Variants in SGK3 observed in about 807,000 individuals in gnomAD.
SGK3 encodes the protein serine/threonine-protein kinase Sgk3.
SGK3 carries 47 observed loss-of-function variants against 68.5 expected under a neutral mutation model. That is an observed-to-expected ratio of 0.69 (90% confidence interval 0.54 to 0.87). The LOEUF is 0.87. Among genes scored for constraint, SGK3 ranks in the 40% least tolerant of loss-of-function variants. The probability of loss-of-function intolerance (pLI) is 0.00; values close to 1 mark genes in which losing one functional copy is unlikely to be tolerated. For synonymous variants in SGK3, 181 were observed against 189.1 expected (o/e 0.96, Z 0.35); for missense variants, 479 against 575.5 (o/e 0.83, Z 1.72).
chr8:66,736,008 G>A (rs1303470250), intron 1 of SGK3, among the ~76,000 whole-genome samples: 1 of 152,202 alleles, frequency 6.6e-6, no homozygotes, highest in Non-Finnish European at 1.5e-5. Flanking sequence ...GTTATGTGTA[G>A]AAGTAGCAAG....
chr8:66,813,594 G>A (rs186136735), intron 4 of SGK3, among the ~76,000 whole-genome samples: 14 of 150,796 alleles, frequency 9.3e-5, no homozygotes, highest in African/African-American at 2.9e-4. Context: ...GCAGTTTTGA[G>A]AACTTTCTTT....
intron 1 of SGK3, among the ~76,000 whole-genome samples, chr8:66,755,363 C>G (rs1415397931): frequency 6.6e-6 from 1 of 152,132 alleles, no homozygotes; most frequent in African/African-American, 2.4e-5. Flanking sequence ...CAATAACCCC[C>G]TTGGGGATGT....
At chr8:66,840,951 A>G (rs1809776657) in intron 12 of SGK3, 73 bp from the exon 13 acceptor site, 12 of 1,263,636 alleles carry the variant, frequency 9.5e-6, no homozygotes, top group Non-Finnish European at 1.3e-5. Flanking sequence ...CAAAAAAAAA[A>G]AAAAAAATTA....
intron 16 of SGK3, among the ~76,000 whole-genome samples, chr8:66,854,954 G>C (rs1810448151): frequency 6.6e-6 from 1 of 152,030 alleles, no homozygotes; most frequent in African/African-American, 2.4e-5. Context: ...TTCAAGACCA[G>C]CCTGGGCAAC....
Position 66,824,246 on chromosome 8 carries a change from A to G in SGK3, c.417+1787A>G, listed in dbSNP as rs1808964575. On this transcript the variant is annotated intron_variant, in intron 6 of 16. Coordinates refer to ENST00000521198, the MANE Select transcript of SGK3 (RefSeq NM_001033578.3). ...CAAAAGAGAAACAACAAACTGGGAA[A>G]AGATTTGTAACAAATAAGGCATAAG... Among the ~76,000 whole-genome samples the G allele has an allele frequency of 2.0e-5, 3 of 152,298 alleles. No homozygotes were observed. The South Asian group carries it at 6.2e-4, about 32-fold the overall frequency.
At position 66,861,677 on chromosome 8, in the gene SGK3, T is replaced by G. The variant is rs1360576060; in HGVS notation, c.*2096T>G. ...ACCAATACTCTTTGGCTTAAAATGT[T>G]CAGCAGAATTGGGCAGTGGGGGTGA... On this transcript the variant is annotated 3_prime_UTR_variant, in exon 17 of 17. Coordinates refer to ENST00000521198, the MANE Select transcript of SGK3 (RefSeq NM_001033578.3). The G allele has an allele frequency of 6.6e-6, 1 of 152,194 alleles. No homozygotes were observed. Among genetic ancestry groups the G allele is most frequent in the Non-Finnish European group, 1.5e-5 (1 of 68,036 alleles). 9.4% of individuals were successfully genotyped at this position (152,194 alleles called of 1,614,324 possible).
At chr8:66,757,914 T>TA (rs199791389) in intron 1 of SGK3, among the ~76,000 whole-genome samples, 4,371 of 125,096 alleles carry the variant, frequency 0.035, 89 homozygotes, top group African/African-American at 0.052. Flanking sequence ...GACTCCAGCT[T>TA]AAAAAAAAAA....
intron 1 of SGK3, among the ~76,000 whole-genome samples, chr8:66,758,344 ACT>A (rs1017229017): frequency 9.2e-5 from 14 of 152,118 alleles, no homozygotes; most frequent in African/African-American, 3.4e-4. Flanking sequence ...ACAGAGTGAG[ACT>A]CTGTCTCAAA....
intron 2 of SGK3, among the ~76,000 whole-genome samples, chr8:66,796,122 C>T (rs1375848558): frequency 6.6e-6 from 1 of 151,542 alleles, no homozygotes; most frequent in African/African-American, 2.4e-5. Context: ...CTCATGTTAT[C>T]GATAATATTT....
At chr8:66,749,981 CTAAA>C (rs1458210933) in intron 1 of SGK3, among the ~76,000 whole-genome samples, 2 of 150,344 alleles carry the variant, frequency 1.3e-5, no homozygotes, top group Non-Finnish European at 3.0e-5. Context: ...GTGTAAATCT[CTAAA>C]TATGAGAGGT....
intron 5 of SGK3, among the ~76,000 whole-genome samples, chr8:66,821,609 C>T (rs531917816): frequency 0.024 from 3,661 of 151,330 alleles, 152 homozygotes; most frequent in African/African-American, 0.083. Flanking sequence ...GCCTCCCGGG[C>T]TCACACCATT....
At chr8:66,830,945 T>G (rs1014930809) in intron 7 of SGK3, among the ~76,000 whole-genome samples, 3 of 152,204 alleles carry the variant, frequency 2.0e-5, no homozygotes, top group Non-Finnish European at 2.9e-5. Flanking sequence ...TATTTCAAGT[T>G]CAAAACTCTA....
At chr8:66,729,119 T>A (rs2130360812) in intron 1 of SGK3, among the ~76,000 whole-genome samples, 1 of 150,936 alleles carries the variant, frequency 6.6e-6, no homozygotes, top group African/African-American at 2.4e-5. Flanking sequence ...CTTGGGAGGC[T>A]GAGGCAGGAG....
At chr8:66,798,743 G>T in intron 3 of SGK3, 118 bp downstream of exon 3, 1 of 850,666 alleles carries the variant, frequency 1.2e-6, no homozygotes, top group South Asian at 2.5e-5. Flanking sequence ...CAGACAGGCA[G>T]ACAAAGGTAA....
At chr8:66,771,061 G>T (rs1806495623) in intron 1 of SGK3, among the ~76,000 whole-genome samples, 1 of 151,958 alleles carries the variant, frequency 6.6e-6, no homozygotes, top group Non-Finnish European at 1.5e-5. Context: ...TTTCCTTTTG[G>T]TTGGTTCAGG....
chr8:66,814,131 G>A (rs1808488422), intron 5 of SGK3, among the ~76,000 whole-genome samples: 1 of 151,502 alleles, frequency 6.6e-6, no homozygotes, highest in South Asian at 2.1e-4. Context: ...TTTTGTACTT[G>A]CATTAGTTTT....
chr8:66,846,392 G>A (rs1412675732), intron 14 of SGK3, among the ~76,000 whole-genome samples: 1 of 152,138 alleles, frequency 6.6e-6, no homozygotes, highest in Non-Finnish European at 1.5e-5. Flanking sequence ...TCAGCTCACT[G>A]CATCCTCCGC....
intron 1 of SGK3, among the ~76,000 whole-genome samples, chr8:66,734,040 C>G (rs1328813488): frequency 1.4e-5 from 2 of 147,842 alleles, no homozygotes; most frequent in African/African-American, 5.3e-5. Context: ...TGCAAAAGTT[C>G]TAAAATGTAC....
chr8:66,813,356 A>C (rs1299365866), intron 4 of SGK3, among the ~76,000 whole-genome samples: 1 of 152,174 alleles, frequency 6.6e-6, no homozygotes, highest in Non-Finnish European at 1.5e-5. Context: ...TTTGTTTTTC[A>C]CAGTGGAAGT....
Sources: gnomAD v4.1 joint callset for allele counts (sites outside exome capture counted in the v4.1 genomes callset) on GRCh38, gnomAD v4.1.1 for gene constraint, MANE v1.5 for transcripts, NCBI Gene and HGNC (gene_info 2026-07-23, HGNC 2026-07-21) for gene names.